Variants in SH3TC2 observed in about 807,000 individuals in gnomAD.
SH3TC2 encodes the protein SH3 domain and tetratricopeptide repeats 2, also known as SH3 domain and tetratricopeptide repeat-containing protein 2.
Under a neutral mutation model 124.5 loss-of-function variants are expected in SH3TC2, and 87 were observed. The ratio of observed to expected loss-of-function variants is 0.70; its 90% confidence interval spans 0.59 to 0.84. The LOEUF (loss-of-function observed/expected upper bound fraction) is 0.84, where lower values mean the gene tolerates loss of function less well. Ranked by LOEUF, SH3TC2 falls within the 40% of genes least tolerant of loss-of-function variation. The probability of loss-of-function intolerance (pLI) is 0.00; values close to 1 mark genes in which losing one functional copy is unlikely to be tolerated. For synonymous variants in SH3TC2, 634 were observed against 628.5 expected (o/e 1.01, Z -0.13); for missense variants, 1,536 against 1,566.4 (o/e 0.98, Z 0.33).
rs60176324 is a variant in SH3TC2 at position 148,997,891 on chromosome 5, A to G, written c.*6820T>C. On this transcript the variant is annotated 3_prime_UTR_variant, in exon 17 of 17. Transcript: ENST00000515425. ...AGGTTTTGCATGAGACTTAATGCATAAAACACATTAACCTCAACTGTTATT... is the reference window on the plus strand; with the variant it reads ...AGGTTTTGCATGAGACTTAATGCATGAAACACATTAACCTCAACTGTTATT... 5.8e-4 allele frequency among the ~76,000 whole-genome samples: 89 copies of G among 152,358 alleles called. 1 individual carries two copies. The East Asian group carries it at 0.016, about 28-fold the overall frequency.
At position 148,989,223 on chromosome 5, in the gene SH3TC2, G is replaced by A. The variant is rs1167378077; in HGVS notation, c.*15488C>T. Among the ~76,000 whole-genome samples, 1 of 151,936 alleles carries A rather than the reference G, an allele frequency of 6.6e-6. No individual in the cohort carries two copies. The highest frequency in any genetic ancestry group is 2.1e-4 in the South Asian group (1 of 4,812). ...TTAAAAATAGCCATAATCTATTAAC[G>A]ACCTATTACATTCCAGCCACCATGC... is the stretch of plus-strand genomic sequence containing the variant. On this transcript the variant is annotated 3_prime_UTR_variant, in exon 17 of 17. Transcript: ENST00000515425.
chr5:149,038,123 C>T (rs142177527), intron 8 of SH3TC2, among the ~76,000 whole-genome samples, 172 bp downstream of exon 8: 4 of 152,300 alleles, frequency 2.6e-5, no homozygotes, highest in East Asian at 1.9e-4. Flanking sequence ...ACTGAACTGA[C>T]GCATTCTCTC....
rs150311631 is a variant in SH3TC2, at chr5:149,027,728, G to T, written c.2004C>A (p.Ala668=). 1 of 1,614,044 alleles carries T rather than the reference G, an allele frequency of 6.2e-7. No homozygotes were observed. Among genetic ancestry groups the T allele is most frequent in the Non-Finnish European group, 8.5e-7 (1 of 1,179,942 alleles). The change falls in exon 11 of 17, where the codon GCC becomes GCA. Residue 668 remains alanine (A), a synonymous_variant. Coordinates refer to ENST00000515425, the MANE Select transcript of SH3TC2 (RefSeq NM_024577.4). The stretch of plus-strand genomic sequence containing the variant: ...TCAAAACACTGGCCACAGCCTCAGA[G>T]GCAGGAGGGTGTCCAGAGAGGAGCT... ...RLQLLSGHPP[A]SEAVASVLSF...
At chr5:149,056,667 G>C (rs567077738) in intron 1 of SH3TC2, among the ~76,000 whole-genome samples, 1 of 152,234 alleles carries the variant, frequency 6.6e-6, no homozygotes, top group Admixed American at 6.5e-5. Context: ...AGAGGCCTCG[G>C]ATCCCATGAG....
At chr5:149,041,790 T>C (rs1293835418) in intron 5 of SH3TC2, among the ~76,000 whole-genome samples, 173 bp from the exon 6 acceptor site, 2 of 152,098 alleles carry the variant, frequency 1.3e-5, no homozygotes, top group Admixed American at 1.3e-4. Flanking sequence ...GGAACACTGA[T>C]ACCAGGAAGA....
chr5:149,035,256 A>G (rs1310876921), intron 8 of SH3TC2: 1 of 152,250 alleles, frequency 6.6e-6, no homozygotes, highest in Non-Finnish European at 1.5e-5. Context: ...ACTATAAAAT[A>G]CTAGCTTTTT....
At position 149,027,470 on chromosome 5, in the gene SH3TC2, G is replaced by T. The variant is rs1370732124; in HGVS notation, c.2262C>A (p.Ser754Arg). The change falls in exon 11 of 17, where the codon AGC (serine) becomes AGA (arginine). Residue 754 changes from serine (S) to arginine (R), a missense_variant. Coordinates refer to ENST00000515425, the MANE Select transcript of SH3TC2 (RefSeq NM_024577.4). ...LAACEELADR[S>R]TQRALCLILS... ...GGATGAGACACAGGGCCCTCTGGGTGCTCCGGTCTGCTAGTTCCTCACAGG... is the reference window on the plus strand; with the variant it reads ...GGATGAGACACAGGGCCCTCTGGGTTCTCCGGTCTGCTAGTTCCTCACAGG... 1 of 1,614,202 alleles carries T rather than the reference G, an allele frequency of 6.2e-7. No homozygotes were observed. Among genetic ancestry groups the T allele is most frequent in the Non-Finnish European group, 8.5e-7 (1 of 1,180,050 alleles).
At chr5:149,013,383 C>T (rs1753816968) in intron 12 of SH3TC2, among the ~76,000 whole-genome samples, 1 of 152,130 alleles carries the variant, frequency 6.6e-6, no homozygotes, top group African/African-American at 2.4e-5. Context: ...GATTGTGAGG[C>T]CTCCCCAGCC....
At position 148,992,996 on chromosome 5, in the gene SH3TC2, G is replaced by A. The variant is rs1292230361; in HGVS notation, c.*11715C>T. Among the ~76,000 whole-genome samples the A allele has an allele frequency of 6.6e-6, 1 of 152,066 alleles. No homozygotes were observed. Reference sequence around the variant, plus strand: ...ATAGTTACCTCTGATCTGCCACTCTGCCCATCTTCTGTGAATGAAAACTTA... The same window carrying A: ...ATAGTTACCTCTGATCTGCCACTCTACCCATCTTCTGTGAATGAAAACTTA... On this transcript the variant is annotated 3_prime_UTR_variant, in exon 17 of 17. Transcript: ENST00000515425.
Position 148,983,298 on chromosome 5 carries a change from A to G in SH3TC2, c.*21413T>C, listed in dbSNP as rs1472843194. On this transcript the variant is annotated 3_prime_UTR_variant, in exon 17 of 17. Coordinates refer to ENST00000515425, the MANE Select transcript of SH3TC2 (RefSeq NM_024577.4). ...CTTTTGAAAAGCTCCCACTCTCTCCATCTCTCTGAAGAGGGGCACCTGGGT... is the reference window on the plus strand; with the variant it reads ...CTTTTGAAAAGCTCCCACTCTCTCCGTCTCTCTGAAGAGGGGCACCTGGGT... Among the ~76,000 whole-genome samples the G allele has an allele frequency of 1.3e-5, 2 of 152,158 alleles. No homozygotes were observed. The highest frequency in any genetic ancestry group is 2.9e-5 in the Non-Finnish European group (2 of 68,024).
At chr5:149,009,559 T>A (rs1753749402) in intron 14 of SH3TC2, among the ~76,000 whole-genome samples, 1 of 152,188 alleles carries the variant, frequency 6.6e-6, no homozygotes, top group Non-Finnish European at 1.5e-5. Flanking sequence ...AGACTGGGTA[T>A]TTGCTAGCAT....
chr5:149,034,390 C>G (rs1325827183), intron 8 of SH3TC2: 1 of 281,682 alleles, frequency 3.6e-6, no homozygotes, highest in African/African-American at 2.3e-5. Context: ...GTCCAACGTA[C>G]CTCTAATAGG....
intron 3 of SH3TC2, chr5:149,044,917 G>A (rs767037559): frequency 5.2e-5 from 15 of 289,446 alleles, no homozygotes; most frequent in Non-Finnish European, 7.9e-5. Flanking sequence ...GCTATACAGC[G>A]GCAGCAGCAA....
Position 149,028,033 on chromosome 5 carries a change from A to AG in SH3TC2, c.1698dup (p.Val568GlyfsTer20). 1 of 1,614,130 alleles carries AG rather than the reference A, an allele frequency of 6.2e-7. No individual in the cohort carries two copies. The highest frequency in any genetic ancestry group is 8.5e-7 in the Non-Finnish European group (1 of 1,180,024). The stretch of plus-strand genomic sequence containing the variant: ...AAATTGATGTACAGAGTGGCCACCA[A>AG]GGATAGGTCCTCAAATGCTCCATTG... On this transcript the variant is annotated frameshift_variant, in exon 11 of 17. Coordinates refer to ENST00000515425, the MANE Select transcript of SH3TC2 (RefSeq NM_024577.4). LOFTEE classifies it high-confidence loss of function.
intron 15 of SH3TC2, chr5:149,008,617 G>A (rs1753730409): frequency 1.7e-6 from 1 of 591,440 alleles, no homozygotes; most frequent in Admixed American, 2.8e-5. Context: ...ATAATCACTG[G>A]TCTTCATAAC....
In SH3TC2 at chr5:148,995,787, T is replaced by C. The variant is rs1004927376; in HGVS notation, c.*8924A>G. Among the ~76,000 whole-genome samples, 1 of 152,072 alleles carries C rather than the reference T, an allele frequency of 6.6e-6. No homozygotes were observed. The highest frequency in any genetic ancestry group is 2.4e-5 in the African/African-American group (1 of 41,396). ...TGAGTGACCCAAATAAGATTCCTGT[T>C]TTCATGGAACTTCTAATCTAGGTGG... On this transcript the variant is annotated 3_prime_UTR_variant, in exon 17 of 17. Transcript: ENST00000515425.
chr5:149,046,195 G>A (rs1290065297), intron 3 of SH3TC2: 4 of 156,968 alleles, frequency 2.5e-5, no homozygotes, highest in African/African-American at 7.2e-5. Context: ...CAGAACTCTG[G>A]GGTTCCTTCT....
chr5:149,016,654 G>A (rs575095193), intron 12 of SH3TC2, among the ~76,000 whole-genome samples: 5 of 152,268 alleles, frequency 3.3e-5, no homozygotes, highest in Non-Finnish European at 5.9e-5. Context: ...CGGCTGGCGC[G>A]GTGGCTCATG....
intron 12 of SH3TC2, among the ~76,000 whole-genome samples, chr5:149,024,310 C>A (rs182212007): frequency 1.3e-5 from 2 of 152,178 alleles, no homozygotes; most frequent in Non-Finnish European, 1.5e-5. Context: ...AACACACATG[C>A]ACCGTATGTC....
Sources: allele counts gnomAD v4.1 joint callset (sites outside exome capture counted in the v4.1 genomes callset), GRCh38; gene constraint gnomAD v4.1.1; transcripts MANE v1.5; gene names NCBI Gene and HGNC (gene_info 2026-07-23, HGNC 2026-07-21).